PCDH15: variants seen among roughly 807,000 people sequenced by gnomAD.
The protein encoded by PCDH15 is protocadherin related 15.
A neutral mutation model predicts 178.5 loss-of-function variants in PCDH15; 129 were observed. The ratio of observed to expected loss-of-function variants is 0.72; its 90% CI spans 0.63 to 0.84. The LOEUF is 0.84. Ranked by LOEUF, PCDH15 falls within the 40% of genes least tolerant of loss-of-function variation. PCDH15 has a pLI of 0.00. For synonymous variants in PCDH15, 800 were observed against 732.0 expected (o/e 1.09, Z -1.50); for missense variants, 2,230 against 2,099.9 (o/e 1.06, Z -1.21).
intron 3 of PCDH15, among the ~76,000 whole-genome samples, chr10:54,480,594 T>C (rs537631553): frequency 1.3e-5 from 2 of 152,170 alleles, no homozygotes; most frequent in Admixed American, 6.6e-5. Context: ...TTGACAACTA[T>C]CAACCTTATC....
chr10:54,024,475 A>T (rs1481776889), intron 18 of PCDH15, among the ~76,000 whole-genome samples: 1 of 152,196 alleles, frequency 6.6e-6, no homozygotes, highest in Non-Finnish European at 1.5e-5. Context: ...GCAATGGTAA[A>T]GCATGCAGAA....
chr10:54,514,702 A>T (rs2082038681), intron 3 of PCDH15, among the ~76,000 whole-genome samples: 1 of 152,040 alleles, frequency 6.6e-6, no homozygotes, highest in Admixed American at 6.6e-5. Context: ...ACTGAAACAA[A>T]TCTATTCATT....
intron 2 of PCDH15, among the ~76,000 whole-genome samples, chr10:54,557,369 C>T (rs537840621): frequency 6.6e-6 from 1 of 152,250 alleles, no homozygotes; most frequent in South Asian, 2.1e-4. Context: ...AGACACTATA[C>T]TTTCAGAATG....
chr10:54,198,110 G>A (rs1470118287), intron 10 of PCDH15, among the ~76,000 whole-genome samples: 2 of 152,034 alleles, frequency 1.3e-5, no homozygotes, highest in African/African-American at 2.4e-5. Context: ...GTCCTGTCTG[G>A]GATTATGTAT....
intron 3 of PCDH15, among the ~76,000 whole-genome samples, chr10:54,490,199 C>G (rs996462331): frequency 3.9e-5 from 6 of 152,102 alleles, no homozygotes; most frequent in African/African-American, 1.4e-4. Flanking sequence ...GCCTATAATC[C>G]CAGCACTTTG....
At chr10:55,459,940 C>CT (rs1473750496) in intron 2 of PCDH15, among the ~76,000 whole-genome samples, 1 of 151,802 alleles carries the variant, frequency 6.6e-6, no homozygotes, top group Non-Finnish European at 1.5e-5. Context: ...GAGAAAATAA[C>CT]TGGGAGATCA....
intron 2 of PCDH15, among the ~76,000 whole-genome samples, chr10:54,977,536 C>T (rs1369045813): frequency 2.0e-5 from 3 of 152,180 alleles, no homozygotes; most frequent in Non-Finnish European, 2.9e-5. Context: ...CAAACCTCAG[C>T]TCCAGGAACT....
chr10:54,442,331 T>G (rs1254373914), intron 3 of PCDH15, among the ~76,000 whole-genome samples: 1 of 143,802 alleles, frequency 7.0e-6, no homozygotes, highest in East Asian at 2.1e-4. Flanking sequence ...CATAAAGTGT[T>G]GGTTATACAA....
chr10:55,433,530 T>C (rs1838943221), intron 2 of PCDH15, among the ~76,000 whole-genome samples: 1 of 152,136 alleles, frequency 6.6e-6, no homozygotes, highest in Non-Finnish European at 1.5e-5. Context: ...ACATGCAATT[T>C]AGCTATATAA....
chr10:54,079,215 T>C lies in PCDH15; in HGVS notation c.2091+116A>G, dbSNP rs1005177427. 3.0e-6 allele frequency: 3 copies of C among 1,000,086 alleles called. No homozygotes were observed. The African/African-American group carries it at 4.8e-5, about 16-fold the overall frequency. The allele number at this position is 1,000,086 out of a possible 1,614,324, so 62.0% of individuals were successfully genotyped here. ...AAGAAAAGAGCAACACTTCTAGTAATTATAAGAAGTTGCTCCAGATGAAAA... is the reference window on the plus strand; with the variant it reads ...AAGAAAAGAGCAACACTTCTAGTAACTATAAGAAGTTGCTCCAGATGAAAA... On this transcript the variant is annotated intron_variant, in intron 17 of 37. Transcript: ENST00000644397.
intron 1 of PCDH15, among the ~76,000 whole-genome samples, chr10:55,246,897 C>T (rs1007659499): frequency 6.6e-6 from 1 of 152,016 alleles, no homozygotes; most frequent in Non-Finnish European, 1.5e-5. Flanking sequence ...TGCAAAATAT[C>T]CCCTTTGGTC....
intron 13 of PCDH15, among the ~76,000 whole-genome samples, chr10:54,156,791 A>C (rs1272905611): frequency 6.6e-6 from 1 of 152,224 alleles, no homozygotes; most frequent in South Asian, 2.1e-4. Flanking sequence ...CAAGTTAGTT[A>C]CTTCCTACAT....
At position 53,825,657 on chromosome 10, in the gene PCDH15, C is replaced by T. The variant is rs1356000646; in HGVS notation, c.4367+1736G>A. 2.0e-5 allele frequency among the ~76,000 whole-genome samples: 3 copies of T among 151,322 alleles called. No homozygotes were observed. The East Asian group carries it at 5.8e-4, about 29-fold the overall frequency. ...TTATTACTTTGTGAAGTAGTTTTTC[C>T]AAAATGATCTTTGACTTTGTTCTTT... is the stretch of plus-strand genomic sequence containing the variant. On this transcript the variant is annotated intron_variant, in intron 32 of 37. Transcript: ENST00000644397.
rs372428607 is a variant in PCDH15, at chr10:54,146,452, G to A, written c.1784+6648C>T. On this transcript the variant is annotated intron_variant, in intron 14 of 37. Transcript: ENST00000644397. Reference sequence around the variant, plus strand: ...AGTGCTTTATTCATGTTAGGATGAAGTAAATATTTACTTAATTTAATTGGA... The same window carrying A: ...AGTGCTTTATTCATGTTAGGATGAAATAAATATTTACTTAATTTAATTGGA... Among the ~76,000 whole-genome samples, 6 of 151,894 alleles carry A rather than the reference G, an allele frequency of 4.0e-5. No homozygotes were observed. The East Asian group carries it at 1.2e-3, about 29-fold the overall frequency.
chr10:54,674,572 T>C (rs1041937245), intron 1 of PCDH15, among the ~76,000 whole-genome samples: 1 of 152,130 alleles, frequency 6.6e-6, no homozygotes, highest in Non-Finnish European at 1.5e-5. Context: ...CTTATAAATC[T>C]ACATGGTTAA....
chr10:55,600,282 T>C lies in PCDH15; in HGVS notation c.-156+27343A>G, dbSNP rs1237311223. ...AGGAGGATGAGGCAGGAGAATGGCA[T>C]GAACCTGGGAAGCAGAGCTTGCAGT... On this transcript the variant is annotated intron_variant, in intron 2 of 5. Transcript: ENST00000613346. Among the ~76,000 whole-genome samples the C allele has an allele frequency of 4.0e-5, 6 of 151,816 alleles. No homozygotes were observed. The South Asian group carries it at 6.2e-4, about 16-fold the overall frequency.
chr10:55,446,414 G>A (rs1244711269), intron 2 of PCDH15, among the ~76,000 whole-genome samples: 1 of 151,940 alleles, frequency 6.6e-6, no homozygotes, highest in East Asian at 1.9e-4. Context: ...GGGTTCTAGA[G>A]AAATGTTTTT....
intron 32 of PCDH15, chr10:53,822,328 CG>C: frequency 6.3e-7 from 1 of 1,597,250 alleles, no homozygotes; most frequent in Admixed American, 1.8e-5. Flanking sequence ...GACGTTGAAA[CG>C]GAAAGTGGAA....
intron 1 of PCDH15, among the ~76,000 whole-genome samples, chr10:55,257,865 A>G (rs796774627): frequency 7.9e-5 from 12 of 152,256 alleles, no homozygotes; most frequent in African/African-American, 2.9e-4. Context: ...TTCAGGAAAT[A>G]CAGAGAATGC....
Sources: allele counts gnomAD v4.1 joint callset (sites outside exome capture counted in the v4.1 genomes callset), GRCh38; gene constraint gnomAD v4.1.1; transcripts MANE v1.5; gene names NCBI Gene and HGNC (gene_info 2026-07-23, HGNC 2026-07-21).